The following CTNNA3 variants were observed in gnomAD, a reference collection of about 807,000 sequenced individuals.
CTNNA3 encodes the protein catenin alpha 3, also known as catenin alpha-3.
In CTNNA3, 76 loss-of-function variants were observed where a neutral mutation model predicts 95.7. The observed-to-expected ratio is 0.79, with a 90% confidence interval of 0.66 to 0.96. The LOEUF (loss-of-function observed/expected upper bound fraction) is 0.96, where lower values mean the gene tolerates loss of function less well. Among genes scored for constraint, CTNNA3 ranks in the 40% least tolerant of loss-of-function variants. The probability of loss-of-function intolerance (pLI) is 0.00; values close to 1 mark genes in which losing one functional copy is unlikely to be tolerated. For missense variants in CTNNA3, 1,191 were observed against 1,089.8 expected, an observed-to-expected ratio of 1.09 and a Z score of -1.31; for synonymous variants, 431 against 374.4, an observed-to-expected ratio of 1.15 and a Z score of -1.74.
At chr10:66,281,799 T>C (rs1184309840) in intron 12 of CTNNA3, among the ~76,000 whole-genome samples, 1 of 151,730 alleles carries the variant, frequency 6.6e-6, no homozygotes, top group African/African-American at 2.4e-5. Context: ...ATGATATACA[T>C]GGGCACTCTT....
At chr10:66,001,952 G>T (rs1172875297) in intron 15 of CTNNA3, among the ~76,000 whole-genome samples, 3 of 152,184 alleles carry the variant, frequency 2.0e-5, no homozygotes, top group South Asian at 2.1e-4. Context: ...CTCTCTGTGT[G>T]TAGTTGTTAT....
chr10:67,259,395 T>C (rs944336702), intron 5 of CTNNA3, among the ~76,000 whole-genome samples: 16 of 152,154 alleles, frequency 1.1e-4, no homozygotes, highest in African/African-American at 3.9e-4. Flanking sequence ...GACCCTGAAG[T>C]TATATAATGC....
At chr10:66,527,907 T>A (rs1304767404) in intron 10 of CTNNA3, among the ~76,000 whole-genome samples, 2 of 151,906 alleles carry the variant, frequency 1.3e-5, no homozygotes, top group African/African-American at 2.4e-5. Flanking sequence ...CTTCTCAATT[T>A]GGATACCACC....
intron 17 of CTNNA3, among the ~76,000 whole-genome samples, chr10:65,957,735 G>T (rs1321371860): frequency 6.6e-6 from 1 of 152,162 alleles, no homozygotes; most frequent in Non-Finnish European, 1.5e-5. Flanking sequence ...CTGGCTTGTA[G>T]AGTTTCTGCC....
rs4745933 is a variant in CTNNA3, at chr10:67,219,585, C to G, written c.843+22G>C. 192,706 of 1,602,078 alleles carry G rather than the reference C, an allele frequency of 0.12. 14,253 individuals carry two copies. The highest frequency in any genetic ancestry group is 0.36 in the African/African-American group (26,680 of 74,692). On this transcript the variant is annotated intron_variant, in intron 6 of 17. Transcript: ENST00000433211. ...TACTGTATTAGGACATCAGATCACA[C>G]TTTATCTTTCTCCCGACTTACCTCC...
rs375098354 is a variant in CTNNA3, at chr10:67,357,942, T to A, written c.580-138072A>T. ...CATTTTTGGGTTGAATATAGACATA[T>A]AAATTAATGGAGCAAAATACAGAGT... On this transcript the variant is annotated intron_variant, in intron 5 of 17. Coordinates refer to ENST00000433211, the MANE Select transcript of CTNNA3 (RefSeq NM_013266.4). Among the ~76,000 whole-genome samples, 19 of 152,246 alleles carry A rather than the reference T, an allele frequency of 1.2e-4. No individual in the cohort carries two copies. In the South Asian group the frequency reaches 3.7e-3, roughly 30 times the overall value.
intron 3 of CTNNA3, among the ~76,000 whole-genome samples, chr10:67,548,888 A>G (rs1403308656): frequency 6.6e-6 from 1 of 151,328 alleles, no homozygotes; most frequent in Admixed American, 6.6e-5. Flanking sequence ...AGAATCTATT[A>G]AAAAAAAACT....
At chr10:67,705,699 A>G (rs1344780384) in intron 1 of CTNNA3, among the ~76,000 whole-genome samples, 57 of 149,648 alleles carry the variant, frequency 3.8e-4, no homozygotes, top group African/African-American at 1.3e-3. Flanking sequence ...TAATGGGTGC[A>G]GCACACCAGC....
At chr10:67,750,751 C>G (rs1841402688) in intron 1 of CTNNA3, 1 of 1,597,146 alleles carries the variant, frequency 6.3e-7, no homozygotes, top group African/African-American at 1.3e-5. Flanking sequence ...GGTGAAAGCC[C>G]TTGGGGTCTC....
chr10:66,538,255 CA>C (rs1478451773), intron 10 of CTNNA3, among the ~76,000 whole-genome samples: 2 of 151,950 alleles, frequency 1.3e-5, no homozygotes, highest in African/African-American at 4.8e-5. Flanking sequence ...GGCTAGTGAT[CA>C]AAAAAATATT....
chr10:66,898,243 TTTCTGCC>T (rs1417602310), intron 7 of CTNNA3, among the ~76,000 whole-genome samples: 3 of 152,188 alleles, frequency 2.0e-5, no homozygotes, highest in Non-Finnish European at 4.4e-5. Flanking sequence ...GCTTGCATTA[TTTCTGCC>T]TTCTCTGTAC....
chr10:66,637,547 C>T (rs1264937605), intron 9 of CTNNA3, among the ~76,000 whole-genome samples: 1 of 152,232 alleles, frequency 6.6e-6, no homozygotes, highest in African/African-American at 2.4e-5. Flanking sequence ...CCTTTCAAAC[C>T]GTTGTCAGGC....
chr10:67,064,534 C>T (rs780311388), intron 7 of CTNNA3, among the ~76,000 whole-genome samples: 12 of 152,136 alleles, frequency 7.9e-5, no homozygotes, highest in Non-Finnish European at 1.3e-4. Flanking sequence ...AGCAAGCTTT[C>T]TCTATAACAT....
At chr10:67,450,408 A>C (rs967810488) in intron 5 of CTNNA3, among the ~76,000 whole-genome samples, 2 of 152,248 alleles carry the variant, frequency 1.3e-5, no homozygotes, top group African/African-American at 4.8e-5. Context: ...AGGCTGGATA[A>C]AGAAAATATG....
intron 13 of CTNNA3, among the ~76,000 whole-genome samples, chr10:66,162,952 C>T (rs2084927702): frequency 6.6e-6 from 1 of 151,938 alleles, no homozygotes; most frequent in Non-Finnish European, 1.5e-5. Context: ...AGGATTACGG[C>T]TGCCTCTGTT....
intron 7 of CTNNA3, among the ~76,000 whole-genome samples, chr10:67,154,570 G>A (rs544262908): frequency 6.6e-6 from 1 of 152,220 alleles, no homozygotes; most frequent in South Asian, 2.1e-4. Flanking sequence ...AGAATAAAAC[G>A]CATGAATTTT....
chr10:66,823,813 C>T (rs1249053729), intron 7 of CTNNA3, among the ~76,000 whole-genome samples: 2 of 152,074 alleles, frequency 1.3e-5, no homozygotes, highest in Non-Finnish European at 2.9e-5. Flanking sequence ...TTAGGACAGG[C>T]TAACTGACAG....
chr10:67,757,043 T>G (rs1385963144), intron 1 of CTNNA3, among the ~76,000 whole-genome samples: 1 of 152,238 alleles, frequency 6.6e-6, no homozygotes, highest in East Asian at 1.9e-4. Flanking sequence ...ATTGAGTACC[T>G]ACTACATATT....
At chr10:66,785,576 T>C (rs939412403) in intron 7 of CTNNA3, among the ~76,000 whole-genome samples, 1 of 152,108 alleles carries the variant, frequency 6.6e-6, no homozygotes, top group Non-Finnish European at 1.5e-5. Flanking sequence ...CCTCACCCCT[T>C]AACCTTGTAC....
Sources: gnomAD v4.1 joint callset for allele counts (sites outside exome capture counted in the v4.1 genomes callset) on GRCh38, gnomAD v4.1.1 for gene constraint, MANE v1.5 for transcripts, NCBI Gene and HGNC (gene_info 2026-07-23, HGNC 2026-07-21) for gene names.